The following ATP8A2 variants were observed in gnomAD, a reference collection of about 807,000 sequenced individuals.
ATP8A2 encodes phospholipid-transporting ATPase IB.
A neutral mutation model predicts 165.6 loss-of-function variants in ATP8A2; 100 were observed. The ratio of observed to expected loss-of-function variants is 0.60; its 90% confidence interval spans 0.51 to 0.71. ATP8A2 has a LOEUF of 0.71. Ranked by LOEUF, ATP8A2 falls within the 30% of genes least tolerant of loss-of-function variation. The pLI is 0.00. For missense variants in ATP8A2, 1,227 were observed against 1,479.5 expected (o/e 0.83, Z 2.80); for synonymous variants, 543 against 548.8 (o/e 0.99, Z 0.15).
intron 2 of ATP8A2, among the ~76,000 whole-genome samples, chr13:25,500,681 G>A (rs1464095704): frequency 6.6e-6 from 1 of 152,132 alleles, no homozygotes; most frequent in Non-Finnish European, 1.5e-5. Context: ...CACGGCTCAG[G>A]TGATCCTCCC....
At chr13:25,667,005 CATAACAT>C (rs2042168037) in intron 24 of ATP8A2, among the ~76,000 whole-genome samples, 1 of 152,126 alleles carries the variant, frequency 6.6e-6, no homozygotes, top group Admixed American at 6.5e-5. Flanking sequence ...GTAAAAATTA[CATAACAT>C]AAAACTAACC....
Position 25,830,085 on chromosome 13 carries a change from T to C in ATP8A2, c.2754+1893T>C, listed in dbSNP as rs1951424992. ...GTGCAGTGGTGCCATCACTACTCAC[T>C]GTATCCTTGACCTCCCTGGCTCAAG... On this transcript the variant is annotated intron_variant, in intron 28 of 36. Transcript: ENST00000381655. Among the ~76,000 whole-genome samples, 3 of 151,470 alleles carry C rather than the reference T, an allele frequency of 2.0e-5. No individual in the cohort carries two copies. The South Asian group carries it at 6.3e-4, about 32-fold the overall frequency.
intron 16 of ATP8A2, among the ~76,000 whole-genome samples, chr13:25,567,734 A>G (rs569365142): frequency 6.6e-6 from 1 of 152,314 alleles, no homozygotes; most frequent in South Asian, 2.1e-4. Context: ...GGTACTCTTC[A>G]TCTTAGCTAC....
At chr13:25,783,745 T>C (rs144965921) in intron 27 of ATP8A2, among the ~76,000 whole-genome samples, 26 of 152,334 alleles carry the variant, frequency 1.7e-4, no homozygotes, top group African/African-American at 6.3e-4. Context: ...CCCATCCATG[T>C]TCTCTGTCTG....
At chr13:25,681,547 C>T (rs971163392) in intron 24 of ATP8A2, among the ~76,000 whole-genome samples, 2 of 152,146 alleles carry the variant, frequency 1.3e-5, no homozygotes, top group Admixed American at 1.3e-4. Context: ...GGGAAACGTG[C>T]AGGCAGGGAG....
Position 25,723,731 on chromosome 13 carries a change from G to A in ATP8A2, c.2384+24386G>A, listed in dbSNP as rs1408304401. On this transcript the variant is annotated intron_variant, in intron 25 of 36. Transcript: ENST00000381655. ...GGGCAGCATTCCAGTCCAAGATGGC[G>A]CCAGGATTTCTCACCCTCTGGGGCA... Among the ~76,000 whole-genome samples the A allele has an allele frequency of 2.6e-5, 4 of 152,118 alleles. No individual in the cohort carries two copies. The East Asian group carries it at 7.7e-4, about 29-fold the overall frequency.
chr13:25,692,894 G>T (rs563994974), intron 24 of ATP8A2, among the ~76,000 whole-genome samples: 12 of 152,318 alleles, frequency 7.9e-5, no homozygotes, highest in Non-Finnish European at 1.8e-4. Flanking sequence ...TTGTTTAATT[G>T]TGAAGGAAAA....
At chr13:25,694,441 G>A (rs2042793229) in intron 24 of ATP8A2, among the ~76,000 whole-genome samples, 1 of 152,126 alleles carries the variant, frequency 6.6e-6, no homozygotes, top group Non-Finnish European at 1.5e-5. Flanking sequence ...CTTCTCAAGA[G>A]GTTTTTCTGT....
At chr13:25,892,050 G>C (rs1207438378) in intron 33 of ATP8A2, among the ~76,000 whole-genome samples, 1 of 151,168 alleles carries the variant, frequency 6.6e-6, no homozygotes, top group Admixed American at 6.6e-5. Context: ...GCAGGGGCGC[G>C]ATCTTGGCTC....
At chr13:25,446,535 G>A (rs1329200968) in intron 1 of ATP8A2, among the ~76,000 whole-genome samples, 7 of 144,036 alleles carry the variant, frequency 4.9e-5, no homozygotes, top group Non-Finnish European at 9.3e-5. Context: ...CTGGAACCAC[G>A]CCCGCAGTAC....
At chr13:25,666,734 A>G (rs114732438) in intron 24 of ATP8A2, among the ~76,000 whole-genome samples, 354 of 152,252 alleles carry the variant, frequency 2.3e-3, no homozygotes, top group African/African-American at 8.0e-3. Flanking sequence ...AACTGTATAT[A>G]CATTTAACTT....
chr13:25,397,635 T>A (rs1368255075), intron 1 of ATP8A2, among the ~76,000 whole-genome samples: 4 of 152,170 alleles, frequency 2.6e-5, no homozygotes, highest in Non-Finnish European at 5.9e-5. Flanking sequence ...AAAGCCAGAC[T>A]CTGTAAAATA....
intron 1 of ATP8A2, among the ~76,000 whole-genome samples, chr13:25,398,056 C>T (rs1021918164): frequency 2.6e-5 from 4 of 152,074 alleles, no homozygotes; most frequent in African/African-American, 9.7e-5. Flanking sequence ...CTTATCAGAA[C>T]TTAAAAGGTG....
chr13:25,916,136 G>A (rs866751975), intron 33 of ATP8A2, among the ~76,000 whole-genome samples: 1 of 152,186 alleles, frequency 6.6e-6, no homozygotes, highest in South Asian at 2.1e-4. Context: ...GGGAAATGGA[G>A]ACATTGATTT....
intron 33 of ATP8A2, among the ~76,000 whole-genome samples, chr13:25,889,620 C>A (rs1566240132): frequency 6.6e-6 from 1 of 151,838 alleles, no homozygotes; most frequent in Non-Finnish European, 1.5e-5. Context: ...TTCCCCAGTG[C>A]ATGACCACTC....
At chr13:25,710,959 C>T (rs548948451) in intron 25 of ATP8A2, among the ~76,000 whole-genome samples, 2 of 152,180 alleles carry the variant, frequency 1.3e-5, no homozygotes, top group South Asian at 2.1e-4. Flanking sequence ...TATAGGTTAG[C>T]GAACTGAGGC....
intron 2 of ATP8A2, among the ~76,000 whole-genome samples, chr13:25,486,729 C>T (rs904483992): frequency 1.3e-5 from 2 of 152,190 alleles, no homozygotes; most frequent in African/African-American, 4.8e-5. Flanking sequence ...CTTTGGGAGG[C>T]TGAGGCAGGT....
chr13:25,949,831 G>T (rs779093652), intron 33 of ATP8A2, among the ~76,000 whole-genome samples: 2 of 152,070 alleles, frequency 1.3e-5, no homozygotes, highest in Non-Finnish European at 2.9e-5. Context: ...ACAGGGTCTC[G>T]CTCTGTCACC....
chr13:25,469,247 CT>C lies in ATP8A2; in HGVS notation c.221+127del, dbSNP rs1475524407. ...CGTCCATCTCCCCCAGAGCCTTCCC[CT>C]GCCCCCTCCCCACCCCACTAGCCCG... On this transcript the variant is annotated intron_variant, in intron 2 of 36. Coordinates refer to ENST00000381655, the MANE Select transcript of ATP8A2 (RefSeq NM_016529.6). 2.1e-5 allele frequency: 25 copies of C among 1,209,490 alleles called. No homozygotes were observed. The African/African-American group carries it at 3.7e-4, about 18-fold the overall frequency. 74.9% of individuals were successfully genotyped at this position (1,209,490 alleles called of 1,614,324 possible). A position where few individuals can be genotyped will look rare whatever the true frequency, so the allele number is the denominator to read the frequency against.
Sources: allele counts gnomAD v4.1 joint callset (sites outside exome capture counted in the v4.1 genomes callset), GRCh38; gene constraint gnomAD v4.1.1; transcripts MANE v1.5; gene names NCBI Gene and HGNC (gene_info 2026-07-23, HGNC 2026-07-21).